RARRES1: variants seen among roughly 807,000 people sequenced by gnomAD.
The protein encoded by RARRES1 is retinoic acid receptor responder protein 1.
In RARRES1, 34 loss-of-function variants were observed where a neutral mutation model predicts 30.6. The ratio of observed to expected loss-of-function variants is 1.11; its 90% CI spans 0.84 to 1.48. The LOEUF is 1.48. Ranked by LOEUF, RARRES1 falls within the 40% of genes most tolerant of loss-of-function variation. The probability of loss-of-function intolerance (pLI) is 0.00; values close to 1 mark genes in which losing one functional copy is unlikely to be tolerated. For missense variants in RARRES1, 373 were observed against 386.5 expected (o/e 0.97, Z 0.29); for synonymous variants, 153 against 155.5 (o/e 0.98, Z 0.12).
chr3:158,708,044 G>A (rs931621908), intron 3 of RARRES1, among the ~76,000 whole-genome samples: 9 of 152,050 alleles, frequency 5.9e-5, no homozygotes, highest in Non-Finnish European at 1.2e-4. Context: ...AGTATGTTTC[G>A]GACTTCTACT....
intron 4 of RARRES1, among the ~76,000 whole-genome samples, chr3:158,699,711 G>C (rs774402464): frequency 6.6e-6 from 1 of 152,098 alleles, no homozygotes; most frequent in Non-Finnish European, 1.5e-5. Context: ...TAGTCAGTAG[G>C]TTTCCCTCGT....
At chr3:158,700,010 G>A (rs1726673017) in intron 4 of RARRES1, among the ~76,000 whole-genome samples, 1 of 152,052 alleles carries the variant, frequency 6.6e-6, no homozygotes, top group Admixed American at 6.5e-5. Flanking sequence ...TTCAAGTCTT[G>A]ACTGTTTACC....
rs199538925 is a variant in RARRES1, at chr3:158,716,480, AAC to A, written c.277-2623_277-2622del. 4.5e-3 allele frequency among the ~76,000 whole-genome samples: 691 copies of A among 152,362 alleles called. 6 individuals carry two copies. Among genetic ancestry groups the A allele is most frequent in the African/African-American group, 0.016 (659 of 41,584 alleles). ...TGATTTGACGCAACAGTGCTCTGGA[AAC>A]ACATGGAGGCAAAGTGAGAAGGGCT... is the stretch of plus-strand genomic sequence containing the variant. On this transcript the variant is annotated intron_variant, in intron 1 of 5. Transcript: ENST00000237696.
chr3:158,731,172 T>A (rs1727873447), intron 1 of RARRES1, among the ~76,000 whole-genome samples: 1 of 152,230 alleles, frequency 6.6e-6, no homozygotes, highest in Admixed American at 6.5e-5. Context: ...GAACCGAGGC[T>A]GAGCTTCTTG....
chr3:158,699,663 C>G (rs2108128676), intron 4 of RARRES1, among the ~76,000 whole-genome samples: 1 of 151,936 alleles, frequency 6.6e-6, no homozygotes, highest in African/African-American at 2.4e-5. Context: ...CTGGATAAAT[C>G]AGAAATCAAC....
At position 158,697,783 on chromosome 3, in the gene RARRES1, T is replaced by C. The variant is rs1454962851; in HGVS notation, c.780A>G (p.Lys260=). Residue 260 remains lysine (K), a synonymous_variant, in exon 6 of 6, where the codon AAA becomes AAG. Coordinates refer to ENST00000237696, the MANE Select transcript of RARRES1 (RefSeq NM_206963.2). ...GACAGTGGTACTTCACTTTAAGAGG[T>C]TTGCCAGGGTACCAGACCAAGTGAA... ...CRIHLVWYPG[K]PLKVKYHCQE... 3.1e-6 allele frequency: 5 copies of C among 1,611,266 alleles called. No homozygotes were observed. In the South Asian group the frequency reaches 5.5e-5, roughly 18 times the overall value.
At chr3:158,725,320 C>T (rs566387818) in intron 1 of RARRES1, among the ~76,000 whole-genome samples, 3 of 152,278 alleles carry the variant, frequency 2.0e-5, no homozygotes, top group East Asian at 3.9e-4. Flanking sequence ...ATCTCTGGGG[C>T]GATACACTGC....
chr3:158,724,584 C>A (rs571623997), intron 1 of RARRES1, among the ~76,000 whole-genome samples: 1 of 152,306 alleles, frequency 6.6e-6, no homozygotes, highest in South Asian at 2.1e-4. Context: ...CAAAGCCCTG[C>A]AGACACCTTA....
At chr3:158,703,737 C>A (rs1726812482) in intron 4 of RARRES1, among the ~76,000 whole-genome samples, 1 of 152,202 alleles carries the variant, frequency 6.6e-6, no homozygotes, top group African/African-American at 2.4e-5. Context: ...GAAATACTTT[C>A]TTTTCCCATA....
At chr3:158,711,600 C>CTT (rs1175463184) in intron 2 of RARRES1, among the ~76,000 whole-genome samples, 96 of 121,284 alleles carry the variant, frequency 7.9e-4, no homozygotes, top group East Asian at 2.5e-3. Context: ...TTGCATTCAT[C>CTT]TTTTTTTTTT....
rs369975747 is a variant in RARRES1, at chr3:158,727,034, G to A, written c.276+5106C>T. ...TTGCCATGTGACATGCTGGCTCCCTGTTGCCCTCTGCCATGATTGTAAGCT... is the reference window on the plus strand; with the variant it reads ...TTGCCATGTGACATGCTGGCTCCCTATTGCCCTCTGCCATGATTGTAAGCT... On this transcript the variant is annotated intron_variant, in intron 1 of 5. Coordinates refer to ENST00000237696, the MANE Select transcript of RARRES1 (RefSeq NM_206963.2). 3.9e-4 allele frequency among the ~76,000 whole-genome samples: 60 copies of A among 152,304 alleles called. No individual in the cohort carries two copies. In the South Asian group the frequency reaches 9.3e-3, roughly 24 times the overall value.
intron 4 of RARRES1, among the ~76,000 whole-genome samples, chr3:158,700,174 C>A (rs1726676762): frequency 6.6e-6 from 1 of 150,864 alleles, no homozygotes; most frequent in Non-Finnish European, 1.5e-5. Context: ...ATAGAGACCA[C>A]CTCGTCTTTA....
In RARRES1 at chr3:158,697,313, C is replaced by T. The variant is rs1726577532; in HGVS notation, c.*365G>A. The T allele has an allele frequency of 6.0e-6, 1 of 166,570 alleles. No individual in the cohort carries two copies. The highest frequency in any genetic ancestry group is 1.3e-5 in the Non-Finnish European group (1 of 78,008). 10.3% of individuals were successfully genotyped at this position (166,570 alleles called of 1,614,324 possible). ...TAAAATATATTAGCTATAGTATGTT[C>T]AAAAGAATGAGAAATATAAATTCAG... is the stretch of plus-strand genomic sequence containing the variant. On this transcript the variant is annotated 3_prime_UTR_variant, in exon 6 of 6. Transcript: ENST00000237696.
chr3:158,699,567 C>T (rs1240773594), intron 4 of RARRES1, among the ~76,000 whole-genome samples: 1 of 151,620 alleles, frequency 6.6e-6, no homozygotes, highest in Non-Finnish European at 1.5e-5. Flanking sequence ...GTTTTAAGCT[C>T]TGCCTCTTCT....
At chr3:158,710,039 G>A (rs1457351401) in intron 3 of RARRES1, among the ~76,000 whole-genome samples, 2 of 152,166 alleles carry the variant, frequency 1.3e-5, no homozygotes, top group Non-Finnish European at 2.9e-5. Context: ...GGAGGCTGTC[G>A]CCTAAAGTTT....
rs1217076224 is a variant in RARRES1, at chr3:158,704,925, T to G, written c.538A>C (p.Asn180His). Reference protein sequence around the residue: ...NPLEIVSIPDNHGHIDPSLRL... With the variant: ...NPLEIVSIPDHHGHIDPSLRL... ...AGAGAGGGATCAATATGTCCATGAT[T>G]ATCTGAGAGAGACAAAAAAAGCACA... The change falls in exon 4 of 6, where the codon AAT becomes CAT. Residue 180 changes from asparagine (N) to histidine (H), a missense_variant and splice_region_variant. Transcript: ENST00000237696. 6.3e-7 allele frequency: 1 copy of G among 1,599,734 alleles called. No homozygotes were observed. Among genetic ancestry groups the G allele is most frequent in the Admixed American group, 1.8e-5 (1 of 56,018 alleles).
intron 3 of RARRES1, among the ~76,000 whole-genome samples, chr3:158,706,745 C>T (rs1176809705): frequency 6.6e-6 from 1 of 152,192 alleles, no homozygotes; most frequent in Non-Finnish European, 1.5e-5. Context: ...TTCTAGCCAA[C>T]TCTAGGAGAA....
intron 1 of RARRES1, among the ~76,000 whole-genome samples, chr3:158,729,560 C>G (rs1009072693): frequency 6.6e-6 from 1 of 152,008 alleles, no homozygotes. Context: ...AAGCAATTCT[C>G]TATCTCAGCC....
At chr3:158,727,033 T>G (rs2108154765) in intron 1 of RARRES1, among the ~76,000 whole-genome samples, 1 of 152,326 alleles carries the variant, frequency 6.6e-6, no homozygotes, top group South Asian at 2.1e-4. Flanking sequence ...GCTGGCTCCC[T>G]GTTGCCCTCT....
Sources: gnomAD v4.1 joint callset for allele counts (sites outside exome capture counted in the v4.1 genomes callset) on GRCh38, gnomAD v4.1.1 for gene constraint, MANE v1.5 for transcripts, NCBI Gene and HGNC (gene_info 2026-07-23, HGNC 2026-07-21) for gene names.